HMCN1: variants seen among roughly 807,000 people sequenced by gnomAD.
HMCN1 encodes hemicentin 1, also known as hemicentin-1.
A neutral mutation model predicts 625.9 loss-of-function variants in HMCN1; 321 were observed. That is an observed-to-expected ratio of 0.51 (90% CI 0.47 to 0.56). The LOEUF (loss-of-function observed/expected upper bound fraction) is 0.56. Among genes scored for constraint, HMCN1 ranks in the 20% least tolerant of loss-of-function variants. The pLI, the probability that HMCN1 is intolerant of heterozygous loss-of-function variation, is 0.00. For missense variants in HMCN1, 6,588 were observed against 6,887.3 expected (o/e 0.96, Z 1.54); for synonymous variants, 2,425 against 2,417.6 (o/e 1.00, Z -0.09).
chr1:185,995,619 CTG>C (rs1174864287), intron 24 of HMCN1, among the ~76,000 whole-genome samples: 1 of 152,128 alleles, frequency 6.6e-6, no homozygotes, highest in Non-Finnish European at 1.5e-5. Context: ...CTTTCATGAG[CTG>C]TTATAGTGTG....
intron 15 of HMCN1, among the ~76,000 whole-genome samples, chr1:185,971,509 A>G (rs951669455): frequency 6.6e-6 from 1 of 152,226 alleles, no homozygotes; most frequent in Middle Eastern, 3.2e-3. Flanking sequence ...TGTCACTTAG[A>G]ACTTATAAAA....
At chr1:186,111,884 A>T (rs1269179209) in intron 71 of HMCN1, among the ~76,000 whole-genome samples, 1 of 152,168 alleles carries the variant, frequency 6.6e-6, no homozygotes, top group Non-Finnish European at 1.5e-5. Flanking sequence ...ACTTTGAACA[A>T]TGTTTTCTTA....
intron 1 of HMCN1, among the ~76,000 whole-genome samples, chr1:185,749,084 G>T (rs1654620937): frequency 6.6e-6 from 1 of 152,156 alleles, no homozygotes; most frequent in South Asian, 2.1e-4. Context: ...CTCCTCCATG[G>T]CCAATTTCAA....
At position 185,888,701 on chromosome 1, in the gene HMCN1, G is replaced by A. The variant is rs575226720; in HGVS notation, c.622-20636G>A. Among the ~76,000 whole-genome samples, 6 of 147,148 alleles carry A rather than the reference G, an allele frequency of 4.1e-5. 1 individual carries two copies. Among genetic ancestry groups the A allele is most frequent in the African/African-American group, 1.4e-4 (5 of 36,618 alleles). On this transcript the variant is annotated intron_variant, in intron 4 of 106. Coordinates refer to ENST00000271588, the MANE Select transcript of HMCN1 (RefSeq NM_031935.3). ...TTTGGTACCAGTACCATGCTGTTTT[G>A]GTTACTGTAGCCTTGTAGTATAGTT...
At chr1:186,048,001 G>A (rs973078365) in intron 41 of HMCN1, among the ~76,000 whole-genome samples, 3 of 152,122 alleles carry the variant, frequency 2.0e-5, no homozygotes, top group Admixed American at 6.6e-5. Flanking sequence ...CATACTGCTT[G>A]TTATATCTTT....
chr1:185,867,475 G>A (rs1187585087), intron 4 of HMCN1, among the ~76,000 whole-genome samples: 1 of 152,156 alleles, frequency 6.6e-6, no homozygotes, highest in Non-Finnish European at 1.5e-5. Flanking sequence ...TAAGACTCTA[G>A]GGTACAGTGA....
At chr1:186,159,698 T>C (rs1296204205) in intron 97 of HMCN1, among the ~76,000 whole-genome samples, 9 of 152,164 alleles carry the variant, frequency 5.9e-5, no homozygotes, top group Non-Finnish European at 4.4e-5. Context: ...TTGTCTTTGG[T>C]TCTGTTTATA....
At position 186,136,889 on chromosome 1, in the gene HMCN1, C is replaced by A. The variant is rs766364489; in HGVS notation, c.13534C>A (p.Arg4512=). 6.2e-7 allele frequency: 1 copy of A among 1,613,804 alleles called. No homozygotes were observed. The highest frequency in any genetic ancestry group is 1.3e-5 in the African/African-American group (1 of 74,876). Residue 4512 remains arginine (R), a synonymous_variant, in exon 87 of 107, where the codon CGA becomes AGA. Transcript: ENST00000271588. ...EDTSEFECVA[R]NLMGSVLVRV... ...TACCTCTGAATTTGAATGTGTTGCT[C>A]GAAACTTAATGGGTTCTGTCCTTGT...
intron 48 of HMCN1, among the ~76,000 whole-genome samples, chr1:186,063,408 T>G (rs1225806906): frequency 3.1e-4 from 22 of 70,116 alleles, no homozygotes; most frequent in Admixed American, 8.0e-4. Flanking sequence ...AAAGAGGGAG[T>G]GGGGAGGGAG....
intron 97 of HMCN1, among the ~76,000 whole-genome samples, chr1:186,163,496 G>C (rs1651666216): frequency 6.6e-6 from 1 of 152,138 alleles, no homozygotes; most frequent in Non-Finnish European, 1.5e-5. Flanking sequence ...CCCGTCTTCT[G>C]CCTTGCTCAT....
chr1:186,181,966 T>C (rs1652960604), intron 104 of HMCN1, among the ~76,000 whole-genome samples: 5 of 152,218 alleles, frequency 3.3e-5, no homozygotes, highest in Admixed American at 2.6e-4. Flanking sequence ...AATATAGTAC[T>C]GTGTATATAG....
At position 186,062,580 on chromosome 1, in the gene HMCN1, C is replaced by A. The variant is rs760153934; in HGVS notation, c.7493C>A (p.Thr2498Lys). ...AAGGTAAAAGAGAAACAGAGTGTTACGCTGACTTGTGAAGTGACAGGTATG... is the reference window on the plus strand; with the variant it reads ...AAGGTAAAAGAGAAACAGAGTGTTAAGCTGACTTGTGAAGTGACAGGTATG... ...DVKVKEKQSVTLTCEVTGNPV... is the reference protein window; with the variant it reads ...DVKVKEKQSVKLTCEVTGNPV... The change falls in exon 48 of 107, where the codon ACG (threonine) becomes AAG (lysine). Residue 2498 changes from threonine (T) to lysine (K), a missense_variant. By Grantham distance (78) the Thr-to-Lys change is moderately conservative. Around this residue, in one of 3 missense-constraint regions of HMCN1, gnomAD observed 4,628 missense variants for 4,853.1 expected, o/e 0.95. Coordinates refer to ENST00000271588, the MANE Select transcript of HMCN1 (RefSeq NM_031935.3). The A allele has an allele frequency of 1.9e-6, 3 of 1,611,714 alleles. No individual in the cohort carries two copies. The highest frequency in any genetic ancestry group is 3.3e-5 in the Admixed American group (2 of 59,978).
intron 11 of HMCN1, among the ~76,000 whole-genome samples, chr1:185,940,980 T>G (rs938271552): frequency 3.3e-5 from 5 of 152,162 alleles, no homozygotes; most frequent in African/African-American, 4.8e-5. Flanking sequence ...CAGGCTAGTC[T>G]CAAACTCCCG....
intron 15 of HMCN1, among the ~76,000 whole-genome samples, chr1:185,972,156 A>G (rs189291357): frequency 1.1e-4 from 16 of 152,328 alleles, no homozygotes; most frequent in Admixed American, 9.8e-4. Context: ...TGTTTACTCA[A>G]CATTCTTTTA....
At chr1:186,024,854 C>G (rs919107503) in intron 36 of HMCN1, among the ~76,000 whole-genome samples, 11 of 152,096 alleles carry the variant, frequency 7.2e-5, no homozygotes, top group Non-Finnish European at 1.5e-5. Context: ...TTTTTGGCAC[C>G]AGGGACCAGT....
chr1:185,859,498 C>T lies in HMCN1; in HGVS notation c.340-4972C>T, dbSNP rs79760443. Among the ~76,000 whole-genome samples the T allele has an allele frequency of 1.2e-3, 186 of 152,134 alleles. 1 individual carries two copies. The highest frequency in any genetic ancestry group is 1.6e-3 in the African/African-American group (65 of 41,524). ...TATGTTATCAATATAAAAATTAGCA[C>T]TGCTTTAGTTTTTTAATTTAAATTT... On this transcript the variant is annotated intron_variant, in intron 2 of 106. Transcript: ENST00000271588.
At chr1:185,778,002 G>A (rs561400373) in intron 1 of HMCN1, among the ~76,000 whole-genome samples, 2 of 152,268 alleles carry the variant, frequency 1.3e-5, no homozygotes. Flanking sequence ...TAATCTGTTT[G>A]CCTAAAGGCC....
chr1:186,067,731 G>T (rs191118529), intron 49 of HMCN1, 103 bp from the exon 50 acceptor site: 3 of 766,802 alleles, frequency 3.9e-6, no homozygotes, highest in African/African-American at 1.8e-5. Flanking sequence ...TTCTGTAACT[G>T]CTAGGGAATG....
chr1:186,019,966 TA>T (rs1300437532), intron 35 of HMCN1, among the ~76,000 whole-genome samples: 1 of 152,018 alleles, frequency 6.6e-6, no homozygotes, highest in African/African-American at 2.4e-5. Flanking sequence ...ATTTAGCTGT[TA>T]AAAAACTGGT....
Sources: allele counts gnomAD v4.1 joint callset (sites outside exome capture counted in the v4.1 genomes callset), GRCh38; gene constraint gnomAD v4.1.1; regional missense constraint gnomAD v4.1.1; transcripts MANE v1.5; gene names NCBI Gene and HGNC (gene_info 2026-07-23, HGNC 2026-07-21).